Variants in CADPS observed in about 807,000 individuals in gnomAD.
The protein encoded by CADPS is calcium dependent secretion activator.
In CADPS, 57 loss-of-function variants were observed where a neutral mutation model predicts 167.3. The ratio of observed to expected loss-of-function variants is 0.34; its 90% CI spans 0.28 to 0.42. The LOEUF is 0.42. Ranked by LOEUF, CADPS falls within the 20% of genes least tolerant of loss-of-function variation. CADPS has a pLI of 1.00. For missense variants in CADPS, 1,414 were observed against 1,738.1 expected (o/e 0.81, Z 3.32); for synonymous variants, 676 against 635.3 (o/e 1.06, Z -0.96).
At chr3:62,742,555 G>C (rs930583610) in intron 3 of CADPS, among the ~76,000 whole-genome samples, 12 of 152,086 alleles carry the variant, frequency 7.9e-5, no homozygotes, top group African/African-American at 2.7e-4. Flanking sequence ...AATGGTGCTG[G>C]GATAACTGGC....
At chr3:62,513,939 T>C (rs540307117) in intron 16 of CADPS, among the ~76,000 whole-genome samples, 31 of 152,154 alleles carry the variant, frequency 2.0e-4, no homozygotes, top group Admixed American at 1.4e-3. Flanking sequence ...CACGTCTCTT[T>C]AGAGCTGTTT....
In CADPS at chr3:62,421,165, G is replaced by A. The variant is rs2051286096; in HGVS notation, c.3777+16939C>T. ...GAGTTAAATCATAAATTAGCCATGA[G>A]TTAATACGTGAGGCCCGGATCACTC... On this transcript the variant is annotated intron_variant, in intron 28 of 29. Transcript: ENST00000383710. The surrounding 1 kb of genome is among the most constrained non-coding windows in gnomAD (Gnocchi z 4.7). Among the ~76,000 whole-genome samples, 1 of 152,128 alleles carries A rather than the reference G, an allele frequency of 6.6e-6. No individual in the cohort carries two copies. The highest frequency in any genetic ancestry group is 1.5e-5 in the Non-Finnish European group (1 of 68,038).
intron 3 of CADPS, among the ~76,000 whole-genome samples, chr3:62,700,937 G>A (rs147381598): frequency 2.7e-3 from 409 of 152,204 alleles, no homozygotes; most frequent in Non-Finnish European, 4.6e-3. Flanking sequence ...AGCATGGTCA[G>A]GATCTGGTGA....
intron 1 of CADPS, among the ~76,000 whole-genome samples, chr3:62,822,114 G>A (rs897091139): frequency 1.3e-5 from 2 of 152,108 alleles, no homozygotes; most frequent in Admixed American, 6.5e-5. Flanking sequence ...TTCTTTGAAA[G>A]GGATCCTATA....
chr3:62,552,570 A>G (rs2077485305), intron 10 of CADPS, among the ~76,000 whole-genome samples: 1 of 152,184 alleles, frequency 6.6e-6, no homozygotes, highest in Non-Finnish European at 1.5e-5. Flanking sequence ...AGGAGAATGA[A>G]TGAGTTATTA....
chr3:62,690,389 T>C (rs1055076348), intron 3 of CADPS, among the ~76,000 whole-genome samples: 1 of 152,062 alleles, frequency 6.6e-6, no homozygotes, highest in Non-Finnish European at 1.5e-5. Flanking sequence ...ACTTTTCTTA[T>C]ATCAAGTTCA....
Position 62,478,426 on chromosome 3 carries a change from C to G in CADPS, c.3174-10G>C, listed in dbSNP as rs757691188. The G allele has an allele frequency of 6.2e-7, 1 of 1,611,506 alleles. No individual in the cohort carries two copies. Among genetic ancestry groups the G allele is most frequent in the East Asian group, 2.2e-5 (1 of 44,834 alleles). The stretch of plus-strand genomic sequence containing the variant: ...GGTGCCTGACCCATTACTGGCAGGA[C>G]AAAAATTAGAAAATGAGAGTCACCC... On this transcript the variant is annotated splice_polypyrimidine_tract_variant and intron_variant, in intron 22 of 29. Coordinates refer to ENST00000383710, the MANE Select transcript of CADPS (RefSeq NM_003716.4). This position sits in a 1 kb window ranked among gnomAD's most constrained non-coding sequence, Gnocchi z 5.7.
In CADPS at chr3:62,418,582, C is replaced by A. The variant is rs1463328165; in HGVS notation, c.3778-15397G>T. The stretch of plus-strand genomic sequence containing the variant: ...TCTCAAACTTCTGAGCTCAAGTGAT[C>A]CACCAGCCTCAGCCTCCCAAAGTGC... On this transcript the variant is annotated intron_variant, in intron 28 of 29. Transcript: ENST00000383710. Among the ~76,000 whole-genome samples the A allele has an allele frequency of 2.7e-5, 4 of 148,818 alleles. No individual in the cohort carries two copies. The Admixed American group carries it at 2.7e-4, about 10-fold the overall frequency.
chr3:62,672,008 T>C (rs892469276), intron 3 of CADPS, among the ~76,000 whole-genome samples: 3 of 152,114 alleles, frequency 2.0e-5, no homozygotes, highest in Admixed American at 6.6e-5. Context: ...TCTCGATCTC[T>C]TGACCTCGTG....
chr3:62,678,814 T>C (rs1232301589), intron 3 of CADPS, among the ~76,000 whole-genome samples: 1 of 151,036 alleles, frequency 6.6e-6, no homozygotes, highest in Non-Finnish European at 1.5e-5. Context: ...GAGACATAAA[T>C]ATTGGTGGAA....
chr3:62,773,178 T>C (rs1305013767), intron 1 of CADPS, among the ~76,000 whole-genome samples: 1 of 152,066 alleles, frequency 6.6e-6, no homozygotes, highest in Non-Finnish European at 1.5e-5. Flanking sequence ...TGAATTTTAT[T>C]AATAAATAAA....
chr3:62,400,675 C>A (rs111793843), intron 29 of CADPS, among the ~76,000 whole-genome samples: 2 of 150,412 alleles, frequency 1.3e-5, no homozygotes, highest in Admixed American at 1.3e-4. Context: ...TCTCGGCTCA[C>A]TGCAACCTCC....
At chr3:62,467,499 T>A (rs1238714976) in intron 24 of CADPS, among the ~76,000 whole-genome samples, 1 of 151,928 alleles carries the variant, frequency 6.6e-6, no homozygotes, top group Non-Finnish European at 1.5e-5. Flanking sequence ...TTATTGAGAG[T>A]GAGGAAAGGG....
Position 62,602,492 on chromosome 3 carries a change from T to C in CADPS, c.1326-9744A>G, listed in dbSNP as rs1487189314. ...TGTTGCTAAGAAGGAAAGTTAATAA[T>C]TGCCTGGAGACAGCTGCATTAAAAT... On this transcript the variant is annotated intron_variant, in intron 6 of 29. Transcript: ENST00000383710. This position sits in a 1 kb window ranked among gnomAD's most constrained non-coding sequence, Gnocchi z 4.4. Among the ~76,000 whole-genome samples, 3 of 152,162 alleles carry C rather than the reference T, an allele frequency of 2.0e-5. No homozygotes were observed. Among genetic ancestry groups the C allele is most frequent in the Admixed American group, 6.6e-5 (1 of 15,266 alleles).
chr3:62,578,763 T>A (rs562406034), intron 8 of CADPS, among the ~76,000 whole-genome samples: 2 of 152,102 alleles, frequency 1.3e-5, no homozygotes, highest in Admixed American at 1.3e-4. Context: ...TCTAAATAAA[T>A]GAAAATCAGT....
At chr3:62,453,137 TAATAAG>T in intron 26 of CADPS, among the ~76,000 whole-genome samples, 1 of 151,956 alleles carries the variant, frequency 6.6e-6, no homozygotes, top group Non-Finnish European at 1.5e-5. Flanking sequence ...TATCTCTAAA[TAATAAG>T]AATAATAAAC....
chr3:62,819,665 A>G (rs537900137), intron 1 of CADPS, among the ~76,000 whole-genome samples: 162 of 152,234 alleles, frequency 1.1e-3, no homozygotes, highest in Middle Eastern at 6.8e-3. Context: ...GTTGGAGACT[A>G]TGTAACTAAG....
intron 3 of CADPS, among the ~76,000 whole-genome samples, chr3:62,689,345 C>G (rs2078673656): frequency 6.6e-6 from 1 of 151,942 alleles, no homozygotes; most frequent in African/African-American, 2.4e-5. Context: ...ACACAATGAA[C>G]TTTAAAATTG....
chr3:62,675,299 C>T (rs2076172331), intron 3 of CADPS, among the ~76,000 whole-genome samples: 1 of 151,936 alleles, frequency 6.6e-6, no homozygotes, highest in African/African-American at 2.4e-5. Context: ...ATTTTATAAG[C>T]ATTAGTGTGT....
Sources: gnomAD v4.1 joint callset for allele counts (sites outside exome capture counted in the v4.1 genomes callset) on GRCh38, gnomAD v4.1.1 for gene constraint, Gnocchi (gnomAD v3.1) non-coding constraint, MANE v1.5 for transcripts, NCBI Gene and HGNC (gene_info 2026-07-23, HGNC 2026-07-21) for gene names.